Variants in SPIDR observed in about 807,000 individuals in gnomAD.
The protein encoded by SPIDR is scaffold protein involved in DNA repair.
In SPIDR, 93 loss-of-function variants were observed where a neutral mutation model predicts 104.6. That is an observed-to-expected ratio of 0.89 (90% CI 0.75 to 1.06). SPIDR has a LOEUF of 1.06. Among genes scored for constraint, SPIDR ranks in the 50% least tolerant of loss-of-function variants. The probability of loss-of-function intolerance (pLI) is 0.00; values close to 1 mark genes in which losing one functional copy is unlikely to be tolerated. For missense variants in SPIDR, 1,154 were observed against 1,111.2 expected, an observed-to-expected ratio of 1.04 and a Z score of -0.55; for synonymous variants, 431 against 416.9, an observed-to-expected ratio of 1.03 and a Z score of -0.41.
At chr8:47,516,535 T>C (rs2083181705) in intron 8 of SPIDR, among the ~76,000 whole-genome samples, 1 of 152,214 alleles carries the variant, frequency 6.6e-6, no homozygotes, top group Non-Finnish European at 1.5e-5. Context: ...ATATTTGTTA[T>C]TTTGTGTCTG....
intron 8 of SPIDR, among the ~76,000 whole-genome samples, chr8:47,543,363 T>C (rs891177650): frequency 2.6e-5 from 4 of 152,220 alleles, no homozygotes; most frequent in Non-Finnish European, 5.9e-5. Flanking sequence ...TTCTGATAGA[T>C]AGATAGTGAT....
chr8:47,287,580 A>G (rs1003374604), intron 3 of SPIDR, among the ~76,000 whole-genome samples: 1 of 152,100 alleles, frequency 6.6e-6, no homozygotes. Context: ...CCAGGGTATT[A>G]ATTATTAATA....
chr8:47,629,596 TAC>T (rs1267814087), intron 10 of SPIDR, among the ~76,000 whole-genome samples: 12 of 152,214 alleles, frequency 7.9e-5, no homozygotes, highest in Admixed American at 5.9e-4. Context: ...CTACTAAAGA[TAC>T]AAAAATTAGC....
intron 5 of SPIDR, among the ~76,000 whole-genome samples, chr8:47,322,158 A>G (rs979934761): frequency 9.2e-5 from 14 of 152,208 alleles, no homozygotes; most frequent in Admixed American, 3.9e-4. Context: ...GTGAACAGCA[A>G]CCTACAGAAT....
At chr8:47,568,086 T>C (rs2058104356) in intron 8 of SPIDR, among the ~76,000 whole-genome samples, 1 of 152,210 alleles carries the variant, frequency 6.6e-6, no homozygotes, top group Non-Finnish European at 1.5e-5. Flanking sequence ...TATTTTCTTA[T>C]TTTCAAAATG....
chr8:47,554,433 C>A (rs1414026755), intron 8 of SPIDR, among the ~76,000 whole-genome samples: 1 of 152,204 alleles, frequency 6.6e-6, no homozygotes, highest in Non-Finnish European at 1.5e-5. Context: ...TGTTTACCTA[C>A]TCAAGCCTCA....
chr8:47,375,745 G>A (rs2058598970), intron 5 of SPIDR, among the ~76,000 whole-genome samples: 1 of 152,074 alleles, frequency 6.6e-6, no homozygotes, highest in Admixed American at 6.5e-5. Context: ...GCACCACTGT[G>A]CCCAGAAATG....
chr8:47,470,936 G>T (rs995059649), intron 8 of SPIDR, among the ~76,000 whole-genome samples: 1 of 152,028 alleles, frequency 6.6e-6, no homozygotes, highest in African/African-American at 2.4e-5. Flanking sequence ...GGGTTTCACC[G>T]TGTTAGCCAG....
intron 1 of SPIDR, among the ~76,000 whole-genome samples, chr8:47,261,851 T>A (rs1168285310): frequency 6.6e-6 from 1 of 152,188 alleles, no homozygotes; most frequent in African/African-American, 2.4e-5. Flanking sequence ...TTCAGGCACC[T>A]CTTGATTATA....
chr8:47,711,822 AC>A (rs1420113677), intron 14 of SPIDR, among the ~76,000 whole-genome samples: 2 of 152,174 alleles, frequency 1.3e-5, no homozygotes, highest in Admixed American at 1.3e-4. Flanking sequence ...CCTCAATATT[AC>A]TTATTCATAC....
chr8:47,727,233 T>G lies in SPIDR; in HGVS notation c.2375T>G (p.Phe792Cys), dbSNP rs976641391. The change falls in exon 17 of 20, where the codon TTC becomes TGC. Residue 792 changes from phenylalanine to cysteine, a missense_variant. Physicochemically the swap from Phe to Cys is radical, Grantham distance 205 (BLOSUM62 -2). Coordinates refer to ENST00000297423, the MANE Select transcript of SPIDR (RefSeq NM_001080394.4). The part of the protein sequence containing the change: ...TVVGVDESTA[F>C]SWPVCDMCGN... ...GTTGGCGTGGACGAGAGCACTGCTT[T>G]CTCATGGCCTGTGTGTGACATGTGT... is the stretch of plus-strand genomic sequence containing the variant. 5 of 1,613,976 alleles carry G rather than the reference T, an allele frequency of 3.1e-6. No individual in the cohort carries two copies. In the African/African-American group the frequency reaches 6.7e-5, roughly 22 times the overall value.
chr8:47,518,676 G>A lies in SPIDR; in HGVS notation c.1098-77135G>A, dbSNP rs367573947. On this transcript the variant is annotated intron_variant, in intron 8 of 19. Coordinates refer to ENST00000297423, the MANE Select transcript of SPIDR (RefSeq NM_001080394.4). Reference sequence around the variant, plus strand: ...TTTTGAGACGGAGTCTTGCTCTGTCGCCCAGGCTGGAATGCAGTGGCGCAA... The same window carrying A: ...TTTTGAGACGGAGTCTTGCTCTGTCACCCAGGCTGGAATGCAGTGGCGCAA... Among the ~76,000 whole-genome samples the A allele has an allele frequency of 2.5e-4, 38 of 149,020 alleles. No individual in the cohort carries two copies. The East Asian group carries it at 6.1e-3, about 24-fold the overall frequency.
intron 8 of SPIDR, among the ~76,000 whole-genome samples, chr8:47,567,296 C>G (rs556701141): frequency 6.6e-6 from 1 of 151,636 alleles, no homozygotes; most frequent in East Asian, 1.9e-4. Context: ...CTCGGCTCAC[C>G]GCAACCTCTG....
At chr8:47,444,594 G>A (rs1361571448) in intron 8 of SPIDR, among the ~76,000 whole-genome samples, 1 of 152,134 alleles carries the variant, frequency 6.6e-6, no homozygotes, top group Non-Finnish European at 1.5e-5. Flanking sequence ...AATTGTTAAG[G>A]TTGCTTTCTA....
chr8:47,424,081 A>C (rs1157522629), intron 7 of SPIDR, among the ~76,000 whole-genome samples: 1 of 152,250 alleles, frequency 6.6e-6, no homozygotes, highest in Non-Finnish European at 1.5e-5. Flanking sequence ...TGTGCCTGCC[A>C]GTGGGTAGCA....
chr8:47,650,284 A>G (rs1453069219), intron 10 of SPIDR, among the ~76,000 whole-genome samples: 1 of 152,236 alleles, frequency 6.6e-6, no homozygotes, highest in African/African-American at 2.4e-5. Context: ...ATGTACAAAA[A>G]TCAGTAGCAC....
chr8:47,634,306 G>A (rs908321341), intron 10 of SPIDR, among the ~76,000 whole-genome samples: 2 of 152,022 alleles, frequency 1.3e-5, no homozygotes, highest in Non-Finnish European at 2.9e-5. Flanking sequence ...ACAAAAATTA[G>A]CCAGGCATGG....
intron 8 of SPIDR, among the ~76,000 whole-genome samples, chr8:47,517,552 G>A (rs1454014578): frequency 6.6e-6 from 1 of 152,062 alleles, no homozygotes; most frequent in Non-Finnish European, 1.5e-5. Flanking sequence ...ACAATATTCT[G>A]TTGATATATT....
chr8:47,692,744 G>A (rs71527680), intron 11 of SPIDR, among the ~76,000 whole-genome samples: 1 of 151,990 alleles, frequency 6.6e-6, no homozygotes, highest in South Asian at 2.1e-4. Context: ...CACCACACCC[G>A]GCCAGAATTT....
Sources: gnomAD v4.1 joint callset for allele counts (sites outside exome capture counted in the v4.1 genomes callset) on GRCh38, gnomAD v4.1.1 for gene constraint, MANE v1.5 for transcripts, NCBI Gene and HGNC (gene_info 2026-07-23, HGNC 2026-07-21) for gene names.